Variants in BTBD9 observed in about 807,000 individuals in gnomAD.
The protein encoded by BTBD9 is BTB/POZ domain-containing protein 9.
Under a neutral mutation model 64.3 loss-of-function variants are expected in BTBD9, and 49 were observed. The observed-to-expected ratio is 0.76, with a 90% confidence interval of 0.61 to 0.97. The LOEUF is 0.97. BTBD9 is among the 50% of genes least tolerant of loss of function. The pLI is 0.00. For missense variants in BTBD9, 598 were observed against 762.1 expected, an observed-to-expected ratio of 0.78 and a Z score of 2.53; for synonymous variants, 260 against 274.7, an observed-to-expected ratio of 0.95 and a Z score of 0.53.
At chr6:38,470,243 G>A (rs1194315545) in intron 6 of BTBD9, among the ~76,000 whole-genome samples, 3 of 152,150 alleles carry the variant, frequency 2.0e-5, no homozygotes, top group African/African-American at 7.2e-5. Context: ...AATAACCACG[G>A]GAGGACAGAA....
intron 8 of BTBD9, among the ~76,000 whole-genome samples, chr6:38,273,130 G>C (rs1765251028): frequency 6.6e-6 from 1 of 152,196 alleles, no homozygotes; most frequent in Non-Finnish European, 1.5e-5. Context: ...GCTTATGCCT[G>C]AACAGCTTCA....
chr6:38,379,688 T>C (rs1190423893), intron 6 of BTBD9, among the ~76,000 whole-genome samples: 1 of 152,082 alleles, frequency 6.6e-6, no homozygotes, highest in Non-Finnish European at 1.5e-5. Flanking sequence ...AAAAAGATTA[T>C]CAATAAGTAT....
In BTBD9 at chr6:38,212,576, C is replaced by T. The variant is rs139228112; in HGVS notation, c.1563-19979G>A. Among the ~76,000 whole-genome samples the T allele has an allele frequency of 3.0e-3, 425 of 141,900 alleles. 2 individuals carry two copies. Among genetic ancestry groups the T allele is most frequent in the African/African-American group, 1.0e-2 (383 of 38,450 alleles). 93.1% of individuals were successfully genotyped at this position (141,900 alleles called of 152,430 possible). A position where few individuals can be genotyped will look rare whatever the true frequency, so the allele number is the denominator to read the frequency against. ...TAACAAAAACCAGGGTGTAGGTCTC[C>T]ACTAAATGGCAATGGCAGAGCCAGC... On this transcript the variant is annotated intron_variant, in intron 9 of 10. Transcript: ENST00000481247.
At chr6:38,331,922 A>G (rs1763689656) in intron 7 of BTBD9, among the ~76,000 whole-genome samples, 1 of 152,234 alleles carries the variant, frequency 6.6e-6, no homozygotes, top group Non-Finnish European at 1.5e-5. Context: ...TTGATGAGAC[A>G]TGACTTTGTC....
chr6:38,507,402 AG>A (rs1402971498), intron 6 of BTBD9, among the ~76,000 whole-genome samples: 1 of 152,200 alleles, frequency 6.6e-6, no homozygotes, highest in Non-Finnish European at 1.5e-5. Flanking sequence ...CTCCACTCCC[AG>A]CTACCACCTA....
At chr6:38,445,847 G>T (rs1031002738) in intron 6 of BTBD9, among the ~76,000 whole-genome samples, 1 of 152,154 alleles carries the variant, frequency 6.6e-6, no homozygotes, top group African/African-American at 2.4e-5. Context: ...AAGGACAAAA[G>T]GCCACATGCT....
chr6:38,525,520 C>A (rs892990612), intron 6 of BTBD9, among the ~76,000 whole-genome samples: 1 of 152,182 alleles, frequency 6.6e-6, no homozygotes, highest in East Asian at 1.9e-4. Context: ...CAGGCAGAGA[C>A]TGGAACAATT....
chr6:38,209,245 G>C (rs770110027), intron 9 of BTBD9, among the ~76,000 whole-genome samples: 1 of 152,174 alleles, frequency 6.6e-6, no homozygotes, highest in South Asian at 2.1e-4. Context: ...GGAGGTGGCC[G>C]AGTGTCTACC....
intron 6 of BTBD9, among the ~76,000 whole-genome samples, chr6:38,417,801 A>AG (rs56268245): frequency 0.064 from 8,728 of 136,886 alleles, 319 homozygotes; most frequent in East Asian, 0.11. Flanking sequence ...AGAGAGAGAG[A>AG]AAAAAAATAT....
At chr6:38,467,598 A>G (rs1445644005) in intron 6 of BTBD9, among the ~76,000 whole-genome samples, 2 of 152,220 alleles carry the variant, frequency 1.3e-5, no homozygotes, top group Non-Finnish European at 1.5e-5. Context: ...AAGGTGATCT[A>G]CGCCATGCAC....
chr6:38,591,460 A>G (rs964167575), intron 4 of BTBD9, among the ~76,000 whole-genome samples: 1 of 152,214 alleles, frequency 6.6e-6, no homozygotes, highest in African/African-American at 2.4e-5. Context: ...ATATTGTTGT[A>G]TTTAACTTTT....
intron 6 of BTBD9, among the ~76,000 whole-genome samples, chr6:38,569,250 T>C (rs1283158887): frequency 6.6e-6 from 1 of 152,226 alleles, no homozygotes; most frequent in African/African-American, 2.4e-5. Context: ...CCACTGTGTC[T>C]TGTTCATCTT....
At chr6:38,602,428 TTAAG>T (rs142767873) in intron 1 of BTBD9, among the ~76,000 whole-genome samples, 13,154 of 151,974 alleles carry the variant, frequency 0.087, 680 homozygotes, top group Middle Eastern at 0.18. Context: ...CAAAAAAATC[TTAAG>T]TATGTGTATT....
At position 38,184,978 on chromosome 6, in the gene BTBD9, G is replaced by C. The variant is rs1052644193; in HGVS notation, c.1641+7541C>G. Among the ~76,000 whole-genome samples, 2 of 152,154 alleles carry C rather than the reference G, an allele frequency of 1.3e-5. No homozygotes were observed. Among genetic ancestry groups the C allele is most frequent in the South Asian group, 2.1e-4 (1 of 4,820 alleles). On this transcript the variant is annotated intron_variant, in intron 10 of 10. Coordinates refer to ENST00000481247, the MANE Select transcript of BTBD9 (RefSeq NM_001099272.2). The surrounding 1 kb of genome is among the most constrained non-coding windows in gnomAD (Gnocchi z 4.4). ...CTTGCAGACTTTCTGTCCTGCTGCT[G>C]TCGGCCCATGCAGATGCTCCTCTGA...
intron 1 of BTBD9, among the ~76,000 whole-genome samples, chr6:38,620,098 AG>A (rs1207562917): frequency 6.6e-6 from 1 of 152,204 alleles, no homozygotes; most frequent in African/African-American, 2.4e-5. Flanking sequence ...AAGCTCATGA[AG>A]GATTACAGGA....
chr6:38,618,121 G>A (rs114863454), intron 1 of BTBD9, among the ~76,000 whole-genome samples: 2,393 of 152,272 alleles, frequency 0.016, 43 homozygotes, highest in African/African-American at 0.053. Flanking sequence ...CCAAAACCAC[G>A]GACGGTTTTT....
chr6:38,394,848 C>T (rs1404876227), intron 6 of BTBD9, among the ~76,000 whole-genome samples: 1 of 152,142 alleles, frequency 6.6e-6, no homozygotes, highest in East Asian at 1.9e-4. Flanking sequence ...AAATGAATCT[C>T]TCAATCCTAT....
At chr6:38,500,069 C>T (rs1313844073) in intron 6 of BTBD9, among the ~76,000 whole-genome samples, 1 of 152,190 alleles carries the variant, frequency 6.6e-6, no homozygotes, top group African/African-American at 2.4e-5. Flanking sequence ...CCCTCACACA[C>T]ACCATGCATA....
intron 6 of BTBD9, among the ~76,000 whole-genome samples, chr6:38,438,237 AG>A (rs1768839972): frequency 1.8e-5 from 2 of 113,580 alleles, no homozygotes; most frequent in Non-Finnish European, 4.0e-5. Context: ...GGAGGGAGGG[AG>A]GGAGGGAGGG....
Sources: gnomAD v4.1 joint callset for allele counts (sites outside exome capture counted in the v4.1 genomes callset) on GRCh38, gnomAD v4.1.1 for gene constraint, Gnocchi (gnomAD v3.1) non-coding constraint, MANE v1.5 for transcripts, NCBI Gene and HGNC (gene_info 2026-07-23, HGNC 2026-07-21) for gene names.